The following PDE4B variants were observed in gnomAD, a reference collection of about 807,000 sequenced individuals.
PDE4B encodes the protein 3',5'-cyclic-AMP phosphodiesterase 4B.
A neutral mutation model predicts 82.2 loss-of-function variants in PDE4B; 20 were observed. That is an observed-to-expected ratio of 0.24 (90% CI 0.17 to 0.35). The LOEUF (loss-of-function observed/expected upper bound fraction) is 0.35. Ranked by LOEUF, PDE4B falls within the 10% of genes least tolerant of loss-of-function variation. The pLI, the probability that PDE4B is intolerant of heterozygous loss-of-function variation, is 1.00. For synonymous variants in PDE4B, 320 were observed against 318.9 expected, an observed-to-expected ratio of 1.00 and a Z score of -0.04; for missense variants, 655 against 907.2, an observed-to-expected ratio of 0.72 and a Z score of 3.57.
intron 3 of PDE4B, among the ~76,000 whole-genome samples, chr1:66,026,469 T>C (rs528338039): frequency 1.3e-5 from 2 of 152,368 alleles, no homozygotes; most frequent in South Asian, 4.1e-4. Context: ...TCTTTGGGTA[T>C]ATGTCCCTGT....
In PDE4B at chr1:66,122,527, T is replaced by G. The variant is rs1645730925; in HGVS notation, c.282-124933T>G. Among the ~76,000 whole-genome samples the G allele has an allele frequency of 2.6e-5, 4 of 152,180 alleles. No individual in the cohort carries two copies. In the South Asian group the frequency reaches 8.3e-4, roughly 31 times the overall value. ...GTTAAATGTATTATTGGACTATGAC[T>G]GATTAAGTGGGTTAATTTTATACAT... On this transcript the variant is annotated intron_variant, in intron 3 of 16. Coordinates refer to ENST00000341517, the MANE Select transcript of PDE4B (RefSeq NM_002600.4).
At chr1:65,890,999 C>T (rs1311743564) in intron 1 of PDE4B, among the ~76,000 whole-genome samples, 1 of 151,900 alleles carries the variant, frequency 6.6e-6, no homozygotes, top group Non-Finnish European at 1.5e-5. Flanking sequence ...CTGTACTAAG[C>T]CTCAGTTGTT....
intron 7 of PDE4B, among the ~76,000 whole-genome samples, chr1:66,328,170 T>G (rs1476356789): frequency 6.6e-6 from 1 of 152,222 alleles, no homozygotes. Context: ...CTCTTCCTGT[T>G]TCTCAGAGTC....
intron 3 of PDE4B, among the ~76,000 whole-genome samples, chr1:66,018,145 C>T (rs1318131721): frequency 6.6e-6 from 1 of 152,176 alleles, no homozygotes; most frequent in South Asian, 2.1e-4. Flanking sequence ...AGGCCGGGCA[C>T]GGTGGCTCAC....
intron 4 of PDE4B, among the ~76,000 whole-genome samples, chr1:66,255,380 G>T (rs572838704): frequency 6.6e-6 from 1 of 152,248 alleles, no homozygotes; most frequent in African/African-American, 2.4e-5. Context: ...AAGCCACCAC[G>T]CCCAGCCTGG....
At chr1:65,956,925 T>C (rs987842288) in intron 3 of PDE4B, among the ~76,000 whole-genome samples, 1 of 152,140 alleles carries the variant, frequency 6.6e-6, no homozygotes, top group Non-Finnish European at 1.5e-5. Context: ...ATCTTTGATA[T>C]TGTCAGACTT....
intron 12 of PDE4B, among the ~76,000 whole-genome samples, chr1:66,363,844 C>T (rs934371020): frequency 6.6e-6 from 1 of 152,022 alleles, no homozygotes; most frequent in Non-Finnish European, 1.5e-5. Flanking sequence ...GTAATTAGAC[C>T]ACCCTGCATA....
At chr1:66,312,730 C>G (rs1264288242) in intron 7 of PDE4B, among the ~76,000 whole-genome samples, 5 of 152,338 alleles carry the variant, frequency 3.3e-5, no homozygotes. Flanking sequence ...CAACAAACTA[C>G]AGCCCATGGG....
intron 1 of PDE4B, among the ~76,000 whole-genome samples, chr1:65,880,635 T>A (rs1285944430): frequency 1.3e-5 from 2 of 152,162 alleles, no homozygotes; most frequent in Admixed American, 1.3e-4. Flanking sequence ...AAGCACTATT[T>A]GTGAATGAGG....
intron 3 of PDE4B, among the ~76,000 whole-genome samples, chr1:66,178,849 A>ACTTTTTTTTT (rs1646992796): frequency 6.6e-6 from 1 of 152,068 alleles, no homozygotes; most frequent in Non-Finnish European, 1.5e-5. Flanking sequence ...ATCTATCTTA[A>ACTTTTTTTTT]CTTTTTTTTT....
At chr1:65,845,364 C>A (rs1213050948) in intron 1 of PDE4B, among the ~76,000 whole-genome samples, 1 of 152,132 alleles carries the variant, frequency 6.6e-6, no homozygotes, top group Non-Finnish European at 1.5e-5. Context: ...TTAACAAAAT[C>A]TTGGCTAGCT....
At position 66,263,696 on chromosome 1, in the gene PDE4B, C is replaced by T. The variant is rs1570581956; in HGVS notation, c.585-2342C>T. 2.0e-5 allele frequency among the ~76,000 whole-genome samples: 3 copies of T among 152,166 alleles called. No individual in the cohort carries two copies. In the South Asian group the frequency reaches 6.2e-4, roughly 32 times the overall value. ...TGACCCTAAAGGTACAAATAAAGCA[C>T]CATGAGAGATTAAAGAGACCATTCT... On this transcript the variant is annotated intron_variant, in intron 6 of 16. Transcript: ENST00000341517.
intron 4 of PDE4B, among the ~76,000 whole-genome samples, chr1:66,253,731 T>C (rs1312503216): frequency 2.0e-5 from 3 of 152,218 alleles, no homozygotes; most frequent in Non-Finnish European, 4.4e-5. Flanking sequence ...AAGAGAAGTT[T>C]TTTGTTTTGT....
intron 3 of PDE4B, among the ~76,000 whole-genome samples, chr1:66,101,093 G>T (rs1377925295): frequency 6.6e-6 from 1 of 151,748 alleles, no homozygotes; most frequent in Non-Finnish European, 1.5e-5. Flanking sequence ...TTGATTTTTT[G>T]TCCCTGCGAT....
chr1:65,944,796 C>T (rs560700343), intron 3 of PDE4B, among the ~76,000 whole-genome samples: 1 of 151,630 alleles, frequency 6.6e-6, no homozygotes, highest in South Asian at 2.1e-4. Flanking sequence ...TTATGACTTC[C>T]CATTTCCCCA....
chr1:66,028,392 A>G (rs1653571127), intron 3 of PDE4B, among the ~76,000 whole-genome samples: 1 of 152,044 alleles, frequency 6.6e-6, no homozygotes. Context: ...TTTTCTTCCT[A>G]AGCCTCAAGG....
At chr1:66,363,669 C>T (rs1453269347) in intron 12 of PDE4B, 98 bp downstream of exon 12, 17 of 952,876 alleles carry the variant, frequency 1.8e-5, no homozygotes, top group Admixed American at 2.5e-5. Flanking sequence ...CCTAGCTACT[C>T]GGGAGGCTGA....
At chr1:65,991,808 C>A (rs987655147) in intron 3 of PDE4B, among the ~76,000 whole-genome samples, 1 of 152,154 alleles carries the variant, frequency 6.6e-6, no homozygotes, top group Non-Finnish European at 1.5e-5. Context: ...CACAAGCATA[C>A]AGTATCTTGT....
At chr1:66,010,970 G>C (rs1053496444) in intron 3 of PDE4B, among the ~76,000 whole-genome samples, 33 of 151,294 alleles carry the variant, frequency 2.2e-4, no homozygotes, top group Non-Finnish European at 2.5e-4. Flanking sequence ...AATTGTGGAG[G>C]AATAAGACTG....
Sources: gnomAD v4.1 joint callset for allele counts (sites outside exome capture counted in the v4.1 genomes callset) on GRCh38, gnomAD v4.1.1 for gene constraint, MANE v1.5 for transcripts, NCBI Gene and HGNC (gene_info 2026-07-23, HGNC 2026-07-21) for gene names.